RBP2: variants seen among roughly 807,000 people sequenced by gnomAD.
The protein encoded by RBP2 is retinol-binding protein 2.
Under a neutral mutation model 17.0 loss-of-function variants are expected in RBP2, and 17 were observed. The ratio of observed to expected loss-of-function variants is 1.00; its 90% CI spans 0.68 to 1.50. RBP2 has a LOEUF of 1.50. RBP2 is among the 40% of genes most tolerant of loss of function. The pLI, the probability that RBP2 is intolerant of heterozygous loss-of-function variation, is 0.00. For missense variants in RBP2, 158 were observed against 168.2 expected (o/e 0.94, Z 0.33); for synonymous variants, 48 against 57.1 (o/e 0.84, Z 0.72).
intron 1 of RBP2, among the ~76,000 whole-genome samples, chr3:139,470,582 T>G (rs1431900040): frequency 6.6e-6 from 1 of 151,902 alleles, no homozygotes; most frequent in Admixed American, 6.6e-5. Context: ...GCCTTCTGCC[T>G]ACCTTTCTAC....
At chr3:139,460,691 A>G (rs969213120) in intron 2 of RBP2, among the ~76,000 whole-genome samples, 10 of 152,098 alleles carry the variant, frequency 6.6e-5, no homozygotes, top group Admixed American at 6.5e-4. Context: ...ACTCATGGTG[A>G]GGGGGGCAGG....
intron 1 of RBP2, chr3:139,466,557 C>T (rs1034861073): frequency 6.6e-6 from 1 of 152,310 alleles, no homozygotes; most frequent in African/African-American, 2.4e-5. Context: ...TGATATTTCT[C>T]TCCTTCTGCC....
intron 1 of RBP2, among the ~76,000 whole-genome samples, chr3:139,475,324 T>TAAAA (rs397941333): frequency 1.0e-3 from 73 of 71,574 alleles, no homozygotes; most frequent in African/African-American, 1.5e-3. Context: ...GTCCCCAAAA[T>TAAAA]AAAAAAAAAA....
At chr3:139,455,187 A>AT (rs1423868860) in intron 2 of RBP2, among the ~76,000 whole-genome samples, 1 of 152,198 alleles carries the variant, frequency 6.6e-6, no homozygotes, top group African/African-American at 2.4e-5. Flanking sequence ...GAGAAACAAA[A>AT]AACTGGGGGA....
intron 1 of RBP2, 86 bp downstream of exon 1, chr3:139,476,301 T>G: frequency 8.9e-7 from 1 of 1,125,086 alleles, no homozygotes; most frequent in Non-Finnish European, 1.3e-6. Context: ...ACAGGTCTGT[T>G]GAACTCCATA....
chr3:139,465,667 C>CA (rs1337070709), intron 1 of RBP2, among the ~76,000 whole-genome samples: 1 of 152,130 alleles, frequency 6.6e-6, no homozygotes, highest in Non-Finnish European at 1.5e-5. Context: ...CCCCTGGAGA[C>CA]ACAGGGACTG....
Position 139,476,451 on chromosome 3 carries a change from C to G in RBP2, c.9G>C (p.Arg3Ser). 1 of 1,613,946 alleles carries G rather than the reference C, an allele frequency of 6.2e-7. No homozygotes were observed. Among genetic ancestry groups the G allele is most frequent in the Non-Finnish European group, 8.5e-7 (1 of 1,179,958 alleles). ...CCATCTCCCAGGTTCCATTCTGGTC[C>G]CTTGTCATGGTGGTGGCCACTGGTT... is the stretch of plus-strand genomic sequence containing the variant. MT[R>S]DQNGTWEMES... The change falls in exon 1 of 4, where the codon AGG (arginine) becomes AGC (serine). Residue 3 changes from arginine (R) to serine (S), a missense_variant. By Grantham distance (110) the Arg-to-Ser change is moderately radical (BLOSUM62 -1). Transcript: ENST00000232217.
intron 1 of RBP2, among the ~76,000 whole-genome samples, chr3:139,475,324 T>TA (rs397941333): frequency 0.031 from 2,202 of 71,614 alleles, 52 homozygotes; most frequent in African/African-American, 0.074. Flanking sequence ...GTCCCCAAAA[T>TA]AAAAAAAAAA....
intron 1 of RBP2, among the ~76,000 whole-genome samples, chr3:139,467,639 T>A (rs1418043500): frequency 6.6e-6 from 1 of 152,152 alleles, no homozygotes; most frequent in Admixed American, 6.5e-5. Context: ...GTAAAATGCT[T>A]TACATAGTAC....
At chr3:139,455,492 G>A (rs1331475923) in intron 2 of RBP2, among the ~76,000 whole-genome samples, 2 of 152,140 alleles carry the variant, frequency 1.3e-5, no homozygotes, top group Non-Finnish European at 2.9e-5. Flanking sequence ...AGAGAAGCAG[G>A]CACTCTCTCT....
At position 139,462,013 on chromosome 3, in the gene RBP2, T is replaced by C. The variant is rs575277682; in HGVS notation, c.252+99A>G. 45 of 1,318,416 alleles carry C rather than the reference T, an allele frequency of 3.4e-5. No individual in the cohort carries two copies. In the South Asian group the frequency reaches 6.1e-4, roughly 18 times the overall value. 81.7% of individuals were successfully genotyped at this position (1,318,416 alleles called of 1,614,324 possible). ...ATCCTGGTCCTCCTTTCCTGATTTT[T>C]CCCAGGTTGTTTCTAATATTTTTTT... On this transcript the variant is annotated intron_variant, in intron 2 of 3. Transcript: ENST00000232217.
chr3:139,458,399 G>A (rs1455198897), intron 2 of RBP2, among the ~76,000 whole-genome samples: 2 of 152,032 alleles, frequency 1.3e-5, no homozygotes, highest in African/African-American at 4.8e-5. Flanking sequence ...GGCTCTAACC[G>A]CCATTGTCTT....
At position 139,453,052 on chromosome 3, in the gene RBP2, A is replaced by G. The variant is rs530005314; in HGVS notation, c.*64T>C. The G allele has an allele frequency of 3.2e-5, 51 of 1,593,720 alleles. No homozygotes were observed. Among genetic ancestry groups the G allele is most frequent in the Non-Finnish European group, 4.2e-5 (49 of 1,161,498 alleles). ...GAAGGTCCCCACAGCTGTTTCTCAA[A>G]GCCAGTAGACCACTCAGTGTGGGCA... On this transcript the variant is annotated 3_prime_UTR_variant, in exon 4 of 4. Coordinates refer to ENST00000232217, the MANE Select transcript of RBP2 (RefSeq NM_004164.3).
At chr3:139,472,142 C>T (rs1933589440) in intron 1 of RBP2, among the ~76,000 whole-genome samples, 1 of 152,190 alleles carries the variant, frequency 6.6e-6, no homozygotes, top group African/African-American at 2.4e-5. Context: ...AAAGCCCCAC[C>T]AAGAAGTACT....
rs111251996 is a variant in RBP2 at position 139,457,275 on chromosome 3, T to G, written c.253-2445A>C. Reference sequence around the variant, plus strand: ...CTTAGTTTCTATGGTCCTACCAGAGTGCACACACGTACATCAATATGGTCA... The same window carrying G: ...CTTAGTTTCTATGGTCCTACCAGAGGGCACACACGTACATCAATATGGTCA... On this transcript the variant is annotated intron_variant, in intron 2 of 3. Transcript: ENST00000232217. Among the ~76,000 whole-genome samples the G allele has an allele frequency of 5.2e-3, 795 of 152,346 alleles. 4 individuals carry two copies. The highest frequency in any genetic ancestry group is 0.01 in the Middle Eastern group (3 of 294).
At position 139,452,931 on chromosome 3, in the gene RBP2, C is replaced by G; in HGVS notation, c.*185G>C. The G allele has an allele frequency of 1.6e-6, 1 of 609,112 alleles. No individual in the cohort carries two copies. The highest frequency in any genetic ancestry group is 2.8e-5 in the East Asian group (1 of 36,170). 37.7% of individuals were successfully genotyped at this position (609,112 alleles called of 1,614,324 possible). ...GTAATTTTTGTTTTTCCATTTAATG[C>G]TAGGTTTCAAAGGAGGGGAATATGT... On this transcript the variant is annotated 3_prime_UTR_variant, in exon 4 of 4. Transcript: ENST00000232217.
intron 2 of RBP2, among the ~76,000 whole-genome samples, chr3:139,457,884 C>CT (rs2107867438): frequency 6.6e-6 from 1 of 152,280 alleles, no homozygotes; most frequent in Non-Finnish European, 1.5e-5. Context: ...GTTTCCAAAG[C>CT]TAACATTGCT....
At chr3:139,459,971 A>G (rs1053067917) in intron 2 of RBP2, among the ~76,000 whole-genome samples, 1 of 152,164 alleles carries the variant, frequency 6.6e-6, no homozygotes, top group Non-Finnish European at 1.5e-5. Context: ...TGGAACACGG[A>G]GAGACAGAAG....
intron 2 of RBP2, among the ~76,000 whole-genome samples, chr3:139,458,998 T>G (rs1933086517): frequency 6.6e-6 from 1 of 152,118 alleles, no homozygotes; most frequent in South Asian, 2.1e-4. Context: ...GAGAATTGAC[T>G]CTGTGATCAA....
Sources: allele counts gnomAD v4.1 joint callset (sites outside exome capture counted in the v4.1 genomes callset), GRCh38; gene constraint gnomAD v4.1.1; transcripts MANE v1.5; gene names NCBI Gene and HGNC (gene_info 2026-07-23, HGNC 2026-07-21).